The following TENM4 variants were observed in gnomAD, a reference collection of about 807,000 sequenced individuals.
The protein encoded by TENM4 is teneurin transmembrane protein 4, also known as teneurin-4.
Under a neutral mutation model 243.3 loss-of-function variants are expected in TENM4, and 82 were observed. The ratio of observed to expected loss-of-function variants is 0.34; its 90% CI spans 0.28 to 0.40. The LOEUF (loss-of-function observed/expected upper bound fraction) is 0.40. TENM4 is among the 10% of genes least tolerant of loss of function. The pLI, the probability that TENM4 is intolerant of heterozygous loss-of-function variation, is 1.00. For synonymous variants in TENM4, 1,412 were observed against 1,456.3 expected, an observed-to-expected ratio of 0.97 and a Z score of 0.69; for missense variants, 3,138 against 3,673.3, an observed-to-expected ratio of 0.85 and a Z score of 3.77.
chr11:79,336,613 T>C (rs1857152281), intron 1 of TENM4, among the ~76,000 whole-genome samples: 1 of 152,190 alleles, frequency 6.6e-6, no homozygotes, highest in African/African-American at 2.4e-5. Context: ...AATTACTTAA[T>C]CTCTCTAAGC....
intron 3 of TENM4, among the ~76,000 whole-genome samples, chr11:79,166,026 A>T (rs1341290673): frequency 6.6e-6 from 1 of 152,106 alleles, no homozygotes; most frequent in African/African-American, 2.4e-5. Context: ...TTTCTCTGAC[A>T]CCACATTATA....
chr11:79,351,420 T>C (rs1241334029), intron 1 of TENM4, among the ~76,000 whole-genome samples: 1 of 152,128 alleles, frequency 6.6e-6, no homozygotes, highest in East Asian at 1.9e-4. Context: ...TAAATCTTTG[T>C]TGAGGCCAGG....
chr11:79,075,505 C>T (rs147837891), intron 4 of TENM4, among the ~76,000 whole-genome samples: 24 of 152,322 alleles, frequency 1.6e-4, no homozygotes, highest in African/African-American at 4.6e-4. Flanking sequence ...TCATTACTGT[C>T]AATGCCATCA....
At chr11:79,266,234 G>A (rs1223027960) in intron 2 of TENM4, among the ~76,000 whole-genome samples, 2 of 152,150 alleles carry the variant, frequency 1.3e-5, no homozygotes, top group Non-Finnish European at 2.9e-5. Context: ...TAGATCTCAC[G>A]CATCAAGGGA....
intron 2 of TENM4, among the ~76,000 whole-genome samples, chr11:79,216,566 T>C (rs151268797): frequency 6.6e-6 from 1 of 152,314 alleles, no homozygotes; most frequent in Admixed American, 6.5e-5. Context: ...GGTGCCTGGA[T>C]TGTGATGGCT....
chr11:79,410,991 G>A (rs899531529), intron 1 of TENM4, among the ~76,000 whole-genome samples: 2 of 152,010 alleles, frequency 1.3e-5, no homozygotes, highest in Non-Finnish European at 2.9e-5. Flanking sequence ...ACACTCAAGT[G>A]GATATGGTCA....
chr11:79,053,383 A>C (rs1165070610), intron 6 of TENM4, among the ~76,000 whole-genome samples: 2 of 152,246 alleles, frequency 1.3e-5, no homozygotes, highest in African/African-American at 4.8e-5. Context: ...GAATCAGAGA[A>C]GGCATTTGTC....
intron 1 of TENM4, among the ~76,000 whole-genome samples, chr11:79,430,390 A>T (rs929351430): frequency 6.6e-6 from 1 of 152,180 alleles, no homozygotes; most frequent in African/African-American, 2.4e-5. Flanking sequence ...CATAAGACTC[A>T]GAGTCAGCCA....
At chr11:78,961,097 T>C (rs1857311031) in intron 6 of TENM4, among the ~76,000 whole-genome samples, 1 of 152,256 alleles carries the variant, frequency 6.6e-6, no homozygotes. Context: ...GCCCATAGAC[T>C]GTCTTATCCC....
At chr11:79,138,375 A>G (rs1375074149) in intron 4 of TENM4, among the ~76,000 whole-genome samples, 3 of 122,542 alleles carry the variant, frequency 2.4e-5, no homozygotes, top group Non-Finnish European at 4.8e-5. Context: ...ATATAAATAT[A>G]ATATATATTA....
intron 9 of TENM4, among the ~76,000 whole-genome samples, chr11:78,884,440 C>T (rs1855505996): frequency 7.6e-6 from 1 of 130,842 alleles, no homozygotes; most frequent in Non-Finnish European, 1.6e-5. Context: ...TCTTTTGATT[C>T]TACATTGTCT....
In TENM4 at chr11:79,102,649, C is replaced by T. The variant is rs540124446; in HGVS notation, c.-65-32640G>A. ...GTAAGCACCATGGTCATTGCTATCG[C>T]TTTTGTCTGTCCATCCATCTATCCA... On this transcript the variant is annotated intron_variant, in intron 4 of 33. Coordinates refer to ENST00000278550, the MANE Select transcript of TENM4 (RefSeq NM_001098816.3). Among the ~76,000 whole-genome samples the T allele has an allele frequency of 2.6e-5, 4 of 152,310 alleles. No homozygotes were observed. The South Asian group carries it at 8.3e-4, about 32-fold the overall frequency.
chr11:79,365,457 G>T (rs1857660803), intron 1 of TENM4, among the ~76,000 whole-genome samples: 1 of 152,154 alleles, frequency 6.6e-6, no homozygotes, highest in Non-Finnish European at 1.5e-5. Context: ...CCAAGTCCCT[G>T]GGTGTTAAAA....
At chr11:79,364,826 T>A (rs1857649061) in intron 1 of TENM4, among the ~76,000 whole-genome samples, 1 of 152,200 alleles carries the variant, frequency 6.6e-6, no homozygotes, top group Non-Finnish European at 1.5e-5. Context: ...ACATTTGCTT[T>A]AAATATCAGT....
intron 6 of TENM4, among the ~76,000 whole-genome samples, chr11:78,958,718 C>T (rs901943503): frequency 2.0e-5 from 3 of 152,316 alleles, no homozygotes; most frequent in South Asian, 2.1e-4. Flanking sequence ...AGCGCAAGCT[C>T]CCGGGAAGGC....
At chr11:79,305,988 C>T (rs1856619954) in intron 1 of TENM4, among the ~76,000 whole-genome samples, 1 of 152,226 alleles carries the variant, frequency 6.6e-6, no homozygotes, top group Non-Finnish European at 1.5e-5. Context: ...AAACCATCCA[C>T]CCAAGCTGTT....
At chr11:79,185,268 C>G (rs933773093) in intron 3 of TENM4, among the ~76,000 whole-genome samples, 2 of 152,076 alleles carry the variant, frequency 1.3e-5, no homozygotes, top group African/African-American at 2.4e-5. Context: ...ACTGCACTCT[C>G]CAGCTTGGGT....
At chr11:78,864,973 T>C (rs79793150) in intron 9 of TENM4, among the ~76,000 whole-genome samples, 2,374 of 152,252 alleles carry the variant, frequency 0.016, 43 homozygotes, top group African/African-American at 0.053. Context: ...CAGGGAAGGA[T>C]CTTCAGAGAG....
At position 78,889,996 on chromosome 11, in the gene TENM4, G is replaced by C. The variant is rs369306405; in HGVS notation, c.873C>G (p.Gly291=). Residue 291 remains glycine (G), a synonymous_variant, in exon 9 of 34, where the codon GGC becomes GGG. Transcript: ENST00000278550. Reference sequence around the variant, plus strand: ...ATGTGGTGCAGAAGAGCGGGGAGGTGCCTCCAGGCTTGAAGAGGAAGTGCC... The same window carrying C: ...ATGTGGTGCAGAAGAGCGGGGAGGTCCCTCCAGGCTTGAAGAGGAAGTGCC... ...SDGHFLFKPG[G]TSPLFCTTSP... 34 of 1,546,574 alleles carry C rather than the reference G, an allele frequency of 2.2e-5. No homozygotes were observed. The Admixed American group carries it at 2.6e-4, about 12-fold the overall frequency.
Sources: gnomAD v4.1 joint callset for allele counts (sites outside exome capture counted in the v4.1 genomes callset) on GRCh38, gnomAD v4.1.1 for gene constraint, MANE v1.5 for transcripts, NCBI Gene and HGNC (gene_info 2026-07-23, HGNC 2026-07-21) for gene names.